Variants in ASTN2 observed in about 807,000 individuals in gnomAD.
ASTN2 encodes astrotactin-2.
Under a neutral mutation model 139.8 loss-of-function variants are expected in ASTN2, and 54 were observed. That is an observed-to-expected ratio of 0.39 (90% CI 0.31 to 0.48). The LOEUF (loss-of-function observed/expected upper bound fraction) is 0.48. Ranked by LOEUF, ASTN2 falls within the 20% of genes least tolerant of loss-of-function variation. The pLI is 0.95. For missense variants in ASTN2, 1,565 were observed against 1,725.1 expected, an observed-to-expected ratio of 0.91 and a Z score of 1.64; for synonymous variants, 756 against 719.5, an observed-to-expected ratio of 1.05 and a Z score of -0.81.
In ASTN2 at chr9:116,838,493, G is replaced by A. The variant is rs542057633; in HGVS notation, c.2041-17710C>T. Among the ~76,000 whole-genome samples, 11 of 151,978 alleles carry A rather than the reference G, an allele frequency of 7.2e-5. No individual in the cohort carries two copies. In the East Asian group the frequency reaches 1.7e-3, roughly 24 times the overall value. ...GACTGGAGTGCAATGGCACGATCTC[G>A]ACTCACTGCAACCTCTGCCTCCTGG... On this transcript the variant is annotated intron_variant, in intron 11 of 22. Coordinates refer to ENST00000313400, the MANE Select transcript of ASTN2 (RefSeq NM_001365068.1).
chr9:116,648,859 C>A (rs1280688798), intron 17 of ASTN2, among the ~76,000 whole-genome samples: 1 of 152,052 alleles, frequency 6.6e-6, no homozygotes, highest in East Asian at 1.9e-4. Context: ...CATGTTGAAA[C>A]CTTGTCTCTA....
chr9:117,066,415 T>C (rs1239722750), intron 5 of ASTN2, among the ~76,000 whole-genome samples: 1 of 148,302 alleles, frequency 6.7e-6, no homozygotes, highest in Non-Finnish European at 1.5e-5. Flanking sequence ...ATCCAGTCTA[T>C]CATTGTTGGA....
At chr9:117,129,666 G>C (rs904725783) in intron 4 of ASTN2, among the ~76,000 whole-genome samples, 1 of 151,880 alleles carries the variant, frequency 6.6e-6, no homozygotes, top group African/African-American at 2.4e-5. Context: ...TCTCCCACTT[G>C]GACTATGTAT....
At chr9:116,615,565 G>T (rs1208660763) in intron 19 of ASTN2, among the ~76,000 whole-genome samples, 3 of 152,180 alleles carry the variant, frequency 2.0e-5, no homozygotes, top group Non-Finnish European at 1.5e-5. Flanking sequence ...ATGAGTTCAT[G>T]TCCTTTGTAG....
At chr9:116,453,390 G>A (rs893694827) in intron 20 of ASTN2, among the ~76,000 whole-genome samples, 2 of 151,454 alleles carry the variant, frequency 1.3e-5, no homozygotes, top group Non-Finnish European at 2.9e-5. Context: ...TCAGGAGATC[G>A]AGACCATCCT....
At chr9:116,512,160 C>T (rs982163083) in intron 19 of ASTN2, among the ~76,000 whole-genome samples, 3 of 152,162 alleles carry the variant, frequency 2.0e-5, no homozygotes, top group Non-Finnish European at 4.4e-5. Context: ...ATCTCCCTCA[C>T]ACACTGCTTT....
intron 13 of ASTN2, among the ~76,000 whole-genome samples, chr9:116,737,319 T>G (rs1051001115): frequency 3.3e-5 from 5 of 152,256 alleles, no homozygotes; most frequent in African/African-American, 9.6e-5. Flanking sequence ...AAAGTTCCGC[T>G]GGGCTGAGAA....
intron 2 of ASTN2, among the ~76,000 whole-genome samples, chr9:117,253,546 T>C (rs1033266434): frequency 6.6e-6 from 1 of 152,128 alleles, no homozygotes; most frequent in Non-Finnish European, 1.5e-5. Flanking sequence ...GGGACATCCA[T>C]TTAGTGAGGA....
intron 1 of ASTN2, among the ~76,000 whole-genome samples, chr9:117,362,193 C>G (rs1343564189): frequency 6.6e-6 from 1 of 152,152 alleles, no homozygotes; most frequent in East Asian, 1.9e-4. Context: ...AGGCTGGTCT[C>G]AAACTCCTGA....
intron 1 of ASTN2, among the ~76,000 whole-genome samples, chr9:117,368,423 C>T (rs1455937802): frequency 6.6e-6 from 1 of 152,096 alleles, no homozygotes; most frequent in Admixed American, 6.6e-5. Flanking sequence ...AATGATCATA[C>T]CCATTTTCCA....
chr9:116,510,955 C>T (rs1293651657), intron 19 of ASTN2, among the ~76,000 whole-genome samples: 1 of 152,150 alleles, frequency 6.6e-6, no homozygotes, highest in Non-Finnish European at 1.5e-5. Context: ...AAAACAGGGA[C>T]AATTTGACTT....
At chr9:116,830,476 T>G (rs947596679) in intron 11 of ASTN2, among the ~76,000 whole-genome samples, 1 of 151,932 alleles carries the variant, frequency 6.6e-6, no homozygotes, top group Non-Finnish European at 1.5e-5. Flanking sequence ...CTATTGGGTA[T>G]AAACCCAAAG....
chr9:116,763,757 A>G (rs1829735906), intron 13 of ASTN2, among the ~76,000 whole-genome samples: 1 of 152,208 alleles, frequency 6.6e-6, no homozygotes, highest in African/African-American at 2.4e-5. Context: ...GAATAGGATG[A>G]TAGGTGGAGA....
At chr9:117,106,061 T>G (rs530150620) in intron 4 of ASTN2, among the ~76,000 whole-genome samples, 1 of 152,258 alleles carries the variant, frequency 6.6e-6, no homozygotes, top group South Asian at 2.1e-4. Context: ...GTATCTGAGG[T>G]TGGTCAGGTA....
chr9:117,095,933 G>A lies in ASTN2; in HGVS notation c.1276+111C>T, dbSNP rs1828829426. On this transcript the variant is annotated intron_variant, in intron 5 of 22. Transcript: ENST00000313400. Reference sequence around the variant, plus strand: ...CAGATACTAAGCTCAGTTTTAACCAGATGGGGACCAGGTTAGAGAAGATTT... The same window carrying A: ...CAGATACTAAGCTCAGTTTTAACCAAATGGGGACCAGGTTAGAGAAGATTT... 23 of 982,878 alleles carry A rather than the reference G, an allele frequency of 2.3e-5. 1 individual carries two copies. In the South Asian group the frequency reaches 3.4e-4, roughly 15 times the overall value. 60.9% of individuals were successfully genotyped at this position (982,878 alleles called of 1,614,324 possible). A position where few individuals can be genotyped will look rare whatever the true frequency, so the allele number is the denominator to read the frequency against.
At chr9:117,365,201 GGGAAGGAA>G (rs144764400) in intron 1 of ASTN2, among the ~76,000 whole-genome samples, 34 of 138,508 alleles carry the variant, frequency 2.5e-4, no homozygotes, top group East Asian at 2.3e-3. Flanking sequence ...AAAAAATGAA[GGGAAGGAA>G]GGAAGGAAGG....
chr9:116,621,984 G>T (rs1335364493), intron 17 of ASTN2, among the ~76,000 whole-genome samples: 2 of 152,182 alleles, frequency 1.3e-5, no homozygotes, highest in Admixed American at 1.3e-4. Flanking sequence ...GGATTTCAAA[G>T]AATGTTGATC....
intron 3 of ASTN2, among the ~76,000 whole-genome samples, chr9:117,188,441 G>A (rs899566667): frequency 4.6e-5 from 7 of 152,138 alleles, no homozygotes; most frequent in Non-Finnish European, 8.8e-5. Context: ...AGAGTGAGAT[G>A]AGGAGACATA....
chr9:116,470,928 T>C (rs1848792671), intron 20 of ASTN2, among the ~76,000 whole-genome samples: 2 of 152,218 alleles, frequency 1.3e-5, no homozygotes, highest in Non-Finnish European at 2.9e-5. Flanking sequence ...TTGAGATTCC[T>C]GGAAGAAAGT....
Sources: gnomAD v4.1 joint callset for allele counts (sites outside exome capture counted in the v4.1 genomes callset) on GRCh38, gnomAD v4.1.1 for gene constraint, MANE v1.5 for transcripts, NCBI Gene and HGNC (gene_info 2026-07-23, HGNC 2026-07-21) for gene names.